PPP6R2: variants seen among roughly 807,000 people sequenced by gnomAD.
PPP6R2 encodes the protein protein phosphatase 6 regulatory subunit 2.
In PPP6R2, 62 loss-of-function variants were observed where a neutral mutation model predicts 100.2. The observed-to-expected ratio is 0.62, with a 90% CI of 0.50 to 0.76. The LOEUF is 0.76. PPP6R2 is among the 30% of genes least tolerant of loss of function. The pLI is 0.00. For synonymous variants in PPP6R2, 525 were observed against 514.7 expected (o/e 1.02, Z -0.27); for missense variants, 1,142 against 1,276.3 (o/e 0.89, Z 1.60).
intron 8 of PPP6R2, among the ~76,000 whole-genome samples, chr22:50,420,676 G>T (rs1279288143): frequency 6.6e-6 from 1 of 152,170 alleles, no homozygotes; most frequent in East Asian, 1.9e-4. Context: ...AAAGACAGCC[G>T]AGTGGAGTCT....
intron 1 of PPP6R2, among the ~76,000 whole-genome samples, chr22:50,351,403 A>G (rs1421056478): frequency 6.7e-6 from 1 of 148,652 alleles, no homozygotes; most frequent in Non-Finnish European, 1.5e-5. Flanking sequence ...TTCAATTTAA[A>G]AGTCACCAGC....
At chr22:50,392,915 T>C (rs1015793349) in intron 2 of PPP6R2, among the ~76,000 whole-genome samples, 2 of 152,216 alleles carry the variant, frequency 1.3e-5, no homozygotes, top group African/African-American at 4.8e-5. Flanking sequence ...AGTAAAAAAT[T>C]AGATAAGATA....
At chr22:50,440,111 GCC>G in intron 21 of PPP6R2, 62 bp downstream of exon 21, 2 of 1,468,868 alleles carry the variant, frequency 1.4e-6, no homozygotes, top group Middle Eastern at 2.1e-4. Flanking sequence ...AGGCCAGCTG[GCC>G]CCCCTCCTTG....
chr22:50,404,900 C>A (rs1242465194), intron 3 of PPP6R2, among the ~76,000 whole-genome samples: 1 of 152,160 alleles, frequency 6.6e-6, no homozygotes, highest in African/African-American at 2.4e-5. Context: ...ATGCACCAGG[C>A]CTTGCTATGG....
intron 16 of PPP6R2, 109 bp downstream of exon 16, chr22:50,437,712 G>A (rs903976071): frequency 2.9e-5 from 40 of 1,388,266 alleles, no homozygotes; most frequent in South Asian, 4.8e-5. Context: ...TGATGTCCCC[G>A]GGAGACAGCA....
chr22:50,396,046 T>C (rs900584197), intron 3 of PPP6R2, among the ~76,000 whole-genome samples: 1 of 149,412 alleles, frequency 6.7e-6, no homozygotes, highest in Non-Finnish European at 1.5e-5. Flanking sequence ...AATACAAAAA[T>C]TAGCAGGGCG....
At chr22:50,422,441 A>G (rs1603347849) in intron 9 of PPP6R2, 61 bp downstream of exon 9, 2 of 1,589,482 alleles carry the variant, frequency 1.3e-6, no homozygotes, top group Non-Finnish European at 1.7e-6. Context: ...GTTGATTTGC[A>G]GGGAGGAGAA....
At chr22:50,425,050 G>A (rs2061906558) in intron 10 of PPP6R2, among the ~76,000 whole-genome samples, 1 of 152,138 alleles carries the variant, frequency 6.6e-6, no homozygotes, top group African/African-American at 2.4e-5. Context: ...TTTAAGGTGT[G>A]TCACTCAGTG....
At position 50,396,652 on chromosome 22, in the gene PPP6R2, TA is replaced by T. The variant is rs561828327; in HGVS notation, c.227+2519del. 9.5e-4 allele frequency among the ~76,000 whole-genome samples: 145 copies of T among 152,204 alleles called. 2 individuals are homozygous for T. Among genetic ancestry groups the T allele is most frequent in the Middle Eastern group, 3.4e-3 (1 of 294 alleles). ...CAGCTCCAGCAGGGGCCACGGCAAATAATTCCTCCCTGGCCATTTATAGAAA... is the reference window on the plus strand; with the variant it reads ...CAGCTCCAGCAGGGGCCACGGCAAATATTCCTCCCTGGCCATTTATAGAAA... On this transcript the variant is annotated intron_variant, in intron 3 of 23. Coordinates refer to ENST00000612753, the MANE Select transcript of PPP6R2 (RefSeq NM_001242898.2).
intron 3 of PPP6R2, among the ~76,000 whole-genome samples, chr22:50,399,494 G>C (rs891530430): frequency 6.6e-6 from 1 of 152,262 alleles, no homozygotes; most frequent in Non-Finnish European, 1.5e-5. Flanking sequence ...CCCGCAACCT[G>C]TTAGCCTTGG....
upstream of PPP6R2, among the ~76,000 whole-genome samples, chr22:50,339,266 G>A (rs1601853261): frequency 8.8e-6 from 1 of 113,426 alleles, no homozygotes; most frequent in Non-Finnish European, 1.6e-5. Context: ...GTGTGATTGT[G>A]TGGTGTGTGT....
Position 50,444,299 on chromosome 22 carries a change from G to A in PPP6R2, c.*52G>A, listed in dbSNP as rs769653545. The A allele has an allele frequency of 1.3e-5, 21 of 1,566,186 alleles. No homozygotes were observed. The highest frequency in any genetic ancestry group is 6.8e-5 in the East Asian group (3 of 44,328). ...CCCTGGTCAGGCTGCCTCCTTAATC[G>A]AGAAAACTACCTGGTGATGCAATCT... On this transcript the variant is annotated 3_prime_UTR_variant, in exon 24 of 24. Coordinates refer to ENST00000612753, the MANE Select transcript of PPP6R2 (RefSeq NM_001242898.2).
chr22:50,391,996 C>T (rs1296613303), intron 2 of PPP6R2: 1 of 150,862 alleles, frequency 6.6e-6, no homozygotes, highest in Non-Finnish European at 1.5e-5. Flanking sequence ...ACTTCTTTCC[C>T]TGGATTGTGT....
At chr22:50,362,284 T>C (rs577633409) in intron 1 of PPP6R2, among the ~76,000 whole-genome samples, 6 of 152,194 alleles carry the variant, frequency 3.9e-5, no homozygotes, top group Non-Finnish European at 8.8e-5. Flanking sequence ...CTTCATCCTA[T>C]GTAACAGCCA....
chr22:50,436,296 G>A lies in PPP6R2; in HGVS notation c.1517-71G>A, dbSNP rs528389779. The A allele has an allele frequency of 1.4e-3, 1,934 of 1,409,276 alleles. 3 individuals are homozygous for A. The highest frequency in any genetic ancestry group is 1.8e-3 in the Non-Finnish European group (1,810 of 1,023,044). 87.3% of individuals were successfully genotyped at this position (1,409,276 alleles called of 1,614,324 possible). A position where few individuals can be genotyped will look rare whatever the true frequency, so the allele number is the denominator to read the frequency against. The stretch of plus-strand genomic sequence containing the variant: ...CTCCCGGACCCAGGATGCACCTGCC[G>A]GAGCCCCCGGGTGCCCTGCACCATC... On this transcript the variant is annotated intron_variant, in intron 13 of 23. Coordinates refer to ENST00000612753, the MANE Select transcript of PPP6R2 (RefSeq NM_001242898.2).
intron 1 of PPP6R2, among the ~76,000 whole-genome samples, chr22:50,364,382 C>T (rs1270436499): frequency 6.6e-6 from 1 of 152,138 alleles, no homozygotes; most frequent in Non-Finnish European, 1.5e-5. Context: ...GTGATTGTCT[C>T]TCAAGAAGGG....
At position 50,414,654 on chromosome 22, in the gene PPP6R2, G is replaced by A. The variant is rs1439807016; in HGVS notation, c.517G>A (p.Val173Met). The stretch of plus-strand genomic sequence containing the variant: ...CCTGCTGCTGCGCCTGGTCAGCTGT[G>A]TGGAGCCAGCCGGGCTCCGGCAGGA... Reference protein sequence around the residue: ...MDLLLRLVSCVEPAGLRQDVL... With the variant: ...MDLLLRLVSCMEPAGLRQDVL... Residue 173 changes from valine (V) to methionine (M), a missense_variant, in exon 5 of 24, where the codon GTG (valine) becomes ATG (methionine). Coordinates refer to ENST00000612753, the MANE Select transcript of PPP6R2 (RefSeq NM_001242898.2). The A allele has an allele frequency of 1.9e-6, 3 of 1,613,312 alleles. No homozygotes were observed. The highest frequency in any genetic ancestry group is 2.5e-6 in the Non-Finnish European group (3 of 1,179,978).
intron 3 of PPP6R2, among the ~76,000 whole-genome samples, chr22:50,397,159 G>T (rs1282321068): frequency 1.3e-5 from 2 of 152,098 alleles, no homozygotes; most frequent in Non-Finnish European, 2.9e-5. Flanking sequence ...AACCTGGGGG[G>T]AGACTTCCGT....
Position 50,394,138 on chromosome 22 carries a change from A to G in PPP6R2, c.227+3A>G. ...ATGGAGGAGAAGGTCCGCTTCAAGTATGTACCAAAGCTGTGACGGGCCAGT... is the reference window on the plus strand; with the variant it reads ...ATGGAGGAGAAGGTCCGCTTCAAGTGTGTACCAAAGCTGTGACGGGCCAGT... On this transcript the variant is annotated splice_donor_region_variant and intron_variant, in intron 3 of 23. Transcript: ENST00000612753. 1.2e-6 allele frequency: 2 copies of G among 1,613,756 alleles called. No individual in the cohort carries two copies. The highest frequency in any genetic ancestry group is 1.7e-6 in the Non-Finnish European group (2 of 1,179,840).
Sources: allele counts gnomAD v4.1 joint callset (sites outside exome capture counted in the v4.1 genomes callset), GRCh38; gene constraint gnomAD v4.1.1; transcripts MANE v1.5; gene names NCBI Gene and HGNC (gene_info 2026-07-23, HGNC 2026-07-21).